The following TNXB variants were observed in gnomAD, a reference collection of about 807,000 sequenced individuals.
TNXB encodes the protein tenascin XB, also known as tenascin-X.
TNXB carries 183 observed loss-of-function variants against 340.5 expected under a neutral mutation model. The observed-to-expected ratio is 0.54, with a 90% CI of 0.48 to 0.61. The LOEUF (loss-of-function observed/expected upper bound fraction) is 0.61, where lower values mean the gene tolerates loss of function less well. Among genes scored for constraint, TNXB ranks in the 20% least tolerant of loss-of-function variants. The pLI, the probability that TNXB is intolerant of heterozygous loss-of-function variation, is 0.00. For synonymous variants in TNXB, 2,121 were observed against 2,314.5 expected (o/e 0.92, Z 2.40); for missense variants, 4,613 against 5,446.4 (o/e 0.85, Z 4.82).
chr6:32,096,559 A>G lies in TNXB; in HGVS notation c.1294T>C (p.Ser432Pro). 1 of 1,573,020 alleles carries G rather than the reference A, an allele frequency of 6.4e-7. No individual in the cohort carries two copies. Among genetic ancestry groups the G allele is most frequent in the Non-Finnish European group, 8.6e-7 (1 of 1,168,034 alleles). ...WPGYTGTDCG[S>P]RACPRDCRGR... ...CTACAGTCGCGTGGGCAGGCGCGCG[A>G]GCCGCAATCGGTTCCAGTGTACCCC... Residue 432 changes from serine to proline, a missense_variant, in exon 3 of 44, where the codon TCG becomes CCG. Ser to Pro is a moderately conservative substitution (Grantham distance 74). This residue lies in a region of TNXB where 4,327 missense variants were observed against 4,859.4 expected (regional missense o/e 0.89). Transcript: ENST00000644971.
rs893793966 is a variant in TNXB at position 32,095,337 on chromosome 6, C to G, written c.2243-146G>C. ...GGAGAATAGCTGACAGAGGGCTGAACGGGGCTTGGATCGCCTTCACCTTCT... is the reference window on the plus strand; with the variant it reads ...GGAGAATAGCTGACAGAGGGCTGAAGGGGGCTTGGATCGCCTTCACCTTCT... On this transcript the variant is annotated intron_variant, in intron 3 of 43. Coordinates refer to ENST00000644971, the MANE Select transcript of TNXB (RefSeq NM_001365276.2). The G allele has an allele frequency of 4.4e-5, 32 of 732,322 alleles. 1 individual carries two copies. The highest frequency in any genetic ancestry group is 7.3e-5 in the Non-Finnish European group (32 of 441,350). 45.4% of individuals were successfully genotyped at this position (732,322 alleles called of 1,614,324 possible).
Position 32,049,203 on chromosome 6 carries a change from T to C in TNXB, c.9757+67A>G. ...GGCCCAGTCAAAAGAGGTGCCAAGA[T>C]CCAAAGGAGAAACACAAGGGGGCTG... On this transcript the variant is annotated intron_variant, in intron 28 of 43. Transcript: ENST00000644971. This position sits in a 1 kb window ranked among gnomAD's most constrained non-coding sequence, Gnocchi z 4.5. The C allele has an allele frequency of 1.3e-6, 2 of 1,526,970 alleles. No homozygotes were observed. The highest frequency in any genetic ancestry group is 1.8e-6 in the Non-Finnish European group (2 of 1,137,206). 94.6% of individuals were successfully genotyped at this position (1,526,970 alleles called of 1,614,324 possible).
rs1776916706 is a variant in TNXB, at chr6:32,046,796, C to G, written c.10325-340G>C. Among the ~76,000 whole-genome samples, 1 of 152,160 alleles carries G rather than the reference C, an allele frequency of 6.6e-6. No individual in the cohort carries two copies. Among genetic ancestry groups the G allele is most frequent in the African/African-American group, 2.4e-5 (1 of 41,444 alleles). On this transcript the variant is annotated intron_variant, in intron 30 of 43. Transcript: ENST00000644971. The surrounding 1 kb of genome is among the most constrained non-coding windows in gnomAD (Gnocchi z 6.9). ...TTTACCCTGACCCCCAGCCCCTGAG[C>G]AAGAATGAGGCCAGAGCTGAGAGAG...
In TNXB at chr6:32,046,225, C is replaced by T. The variant is rs1776861628; in HGVS notation, c.10556G>A (p.Gly3519Glu). The change falls in exon 31 of 44, where the codon GGG becomes GAG. Residue 3519 changes from glycine to glutamate, a missense_variant. Physicochemically the swap from Gly to Glu is moderately conservative, Grantham distance 98. Coordinates refer to ENST00000644971, the MANE Select transcript of TNXB (RefSeq NM_001365276.2). The surrounding 1 kb of genome is among the most constrained non-coding windows in gnomAD (Gnocchi z 6.9). ...PGKKYKFLLY[G>E]LLGGKRLGPV... ...GCCCAGGCGCTTTCCCCCAAGGAGCCCGTAGAGCAGAAACTTGTATTTCTT... is the reference window on the plus strand; with the variant it reads ...GCCCAGGCGCTTTCCCCCAAGGAGCTCGTAGAGCAGAAACTTGTATTTCTT... 3 of 1,602,366 alleles carry T rather than the reference C, an allele frequency of 1.9e-6. No homozygotes were observed. Among genetic ancestry groups the T allele is most frequent in the African/African-American group, 1.3e-5 (1 of 74,988 alleles).
rs1334467320 is a variant in TNXB, at chr6:32,062,238, G to A, written c.7087C>T (p.Pro2363Ser). Residue 2363 changes from proline (P) to serine (S), a missense_variant, in exon 20 of 44, where the codon CCA (proline) becomes TCA (serine). By Grantham distance (74) the Pro-to-Ser change is moderately conservative. Coordinates refer to ENST00000644971, the MANE Select transcript of TNXB (RefSeq NM_001365276.2). This position sits in a 1 kb window ranked among gnomAD's most constrained non-coding sequence, Gnocchi z 4.3. ...AGGTTCATCTTGTACTTGTTGTCTG[G>A]CTCCAGGCCGGAGATGGTGACCCTG... ...EDRVTISGLE[P>S]DNKYKMNLYG... is the part of the protein sequence containing the mutation. 2 of 1,613,126 alleles carry A rather than the reference G, an allele frequency of 1.2e-6. No homozygotes were observed. Among genetic ancestry groups the A allele is most frequent in the Non-Finnish European group, 1.7e-6 (2 of 1,179,882 alleles).
At chr6:32,077,730 TAAAG>T (rs1314356819) in intron 11 of TNXB, among the ~76,000 whole-genome samples, 1 of 152,206 alleles carries the variant, frequency 6.6e-6, no homozygotes, top group Non-Finnish European at 1.5e-5. Context: ...GGATGAGTAT[TAAAG>T]AAAGCCTTGT....
At position 32,046,584 on chromosome 6, in the gene TNXB, G is replaced by C; in HGVS notation, c.10325-128C>G. ...GTAGCCCCAGGGACAGCTCCTTGAG[G>C]AGACACACAGGCCTGCTCCCGCCAT... On this transcript the variant is annotated intron_variant, in intron 30 of 43. Transcript: ENST00000644971. The surrounding 1 kb of genome is among the most constrained non-coding windows in gnomAD (Gnocchi z 6.9). The C allele has an allele frequency of 1.3e-6, 1 of 787,318 alleles. No individual in the cohort carries two copies. The highest frequency in any genetic ancestry group is 1.9e-6 in the Non-Finnish European group (1 of 525,862). 48.8% of individuals were successfully genotyped at this position (787,318 alleles called of 1,614,324 possible).
In TNXB at chr6:32,055,901, C is replaced by A. The variant is rs907188801; in HGVS notation, c.8417G>T (p.Gly2806Val). 1 of 1,613,312 alleles carries A rather than the reference C, an allele frequency of 6.2e-7. No individual in the cohort carries two copies. The highest frequency in any genetic ancestry group is 1.3e-5 in the African/African-American group (1 of 74,946). The change falls in exon 24 of 44, where the codon GGC becomes GTC. Residue 2806 changes from glycine to valine, a missense_variant. This residue lies in a region of TNXB where 4,327 missense variants were observed against 4,859.4 expected (regional missense o/e 0.89). Transcript: ENST00000644971. ...GCCCACACGCCGCCCCTCGTGGAGG[C>A]CGTACAGGTGCATCTTGTATTTGCG... is the stretch of plus-strand genomic sequence containing the variant. Reference protein sequence around the residue: ...PGRKYKMHLYGLHEGRRVGPV... With the variant: ...PGRKYKMHLYVLHEGRRVGPV...
At chr6:32,077,598 G>C (rs551485602) in intron 11 of TNXB, among the ~76,000 whole-genome samples, 1 of 152,358 alleles carries the variant, frequency 6.6e-6, no homozygotes, top group African/African-American at 2.4e-5. Context: ...TCAGCCTCTT[G>C]GGCTGAGGCC....
At chr6:32,048,222 A>G (rs1777023995) in intron 29 of TNXB, 141 bp downstream of exon 29, 1 of 1,052,022 alleles carries the variant, frequency 9.5e-7, no homozygotes, top group Non-Finnish European at 1.3e-6. Flanking sequence ...GGGAGAGGAG[A>G]GCTCAGGGCC....
chr6:32,096,949 T>C lies in TNXB; in HGVS notation c.904A>G (p.Thr302Ala), dbSNP rs1150752. The C allele has an allele frequency of 0.097, 156,729 of 1,611,064 alleles. 9,877 individuals are homozygous for C. The highest frequency in any genetic ancestry group is 0.12 in the Non-Finnish European group (142,442 of 1,178,842). ...NGRCVCNPGY[T>A]GEDCGVRSCP... ...CTCCTCACCCCACAGTCCTCGCCAGTGTAGCCGGGGTTACACACGCAGCGC... is the reference window on the plus strand; with the variant it reads ...CTCCTCACCCCACAGTCCTCGCCAGCGTAGCCGGGGTTACACACGCAGCGC... The change falls in exon 3 of 44, where the codon ACT becomes GCT. Residue 302 changes from threonine to alanine, a missense_variant. Transcript: ENST00000644971.
chr6:32,054,147 T>G (rs1777485245), intron 24 of TNXB, among the ~76,000 whole-genome samples: 1 of 151,802 alleles, frequency 6.6e-6, no homozygotes, highest in Non-Finnish European at 1.5e-5. Flanking sequence ...AGCCTCAGAG[T>G]ACCTCTCCCC....
intron 3 of TNXB, 65 bp downstream of exon 3, chr6:32,095,546 T>C: frequency 1.3e-6 from 2 of 1,554,876 alleles, no homozygotes; most frequent in Non-Finnish European, 1.7e-6. Flanking sequence ...GGCTCAGGTC[T>C]TCCCCATGGC....
At position 32,065,076 on chromosome 6, in the gene TNXB, G is replaced by A. The variant is rs747302691; in HGVS notation, c.6586C>T (p.Arg2196Cys). Residue 2196 changes from arginine to cysteine, a missense_variant, in exon 19 of 44, where the codon CGC (arginine) becomes TGC (cysteine). By Grantham distance (180) the Arg-to-Cys change is radical (BLOSUM62 -3). This residue lies in a region of TNXB where 4,327 missense variants were observed against 4,859.4 expected (regional missense o/e 0.89). Transcript: ENST00000644971. ...TCTCTCACTGTCATCTGCCCTAGGC[G>A]CAGCTTTGCAAGAGGAGCATCAGGG... Reference protein sequence around the residue: ...ESPDAPLAKLRLGQMTVRDIT... With the variant: ...ESPDAPLAKLCLGQMTVRDIT... 45 of 1,594,470 alleles carry A rather than the reference G, an allele frequency of 2.8e-5. No homozygotes were observed. Among genetic ancestry groups the A allele is most frequent in the Non-Finnish European group, 3.8e-5 (44 of 1,170,620 alleles).
At chr6:32,091,599 C>A (rs1048594322) in intron 4 of TNXB, among the ~76,000 whole-genome samples, 2 of 151,890 alleles carry the variant, frequency 1.3e-5, no homozygotes, top group African/African-American at 4.8e-5. Context: ...CTTAGCCTCC[C>A]AAGTAGCTGG....
In TNXB at chr6:32,047,353, G is replaced by C. The variant is rs750749261; in HGVS notation, c.10324+381C>G. ...CCCTTTTCTTCCACCCCTCGGCTCC[G>C]AGTCAGGGAGGAGGGAGGAGGATGG... On this transcript the variant is annotated intron_variant, in intron 30 of 43. Coordinates refer to ENST00000644971, the MANE Select transcript of TNXB (RefSeq NM_001365276.2). The surrounding 1 kb of genome is among the most constrained non-coding windows in gnomAD (Gnocchi z 6.2). 6.6e-6 allele frequency among the ~76,000 whole-genome samples: 1 copy of C among 152,160 alleles called. No individual in the cohort carries two copies. Among genetic ancestry groups the C allele is most frequent in the Non-Finnish European group, 1.5e-5 (1 of 68,030 alleles).
In TNXB at chr6:32,064,761, C is replaced by A. The variant is rs1778229119; in HGVS notation, c.6841+60G>T. On this transcript the variant is annotated intron_variant, in intron 19 of 43. Coordinates refer to ENST00000644971, the MANE Select transcript of TNXB (RefSeq NM_001365276.2). This position sits in a 1 kb window ranked among gnomAD's most constrained non-coding sequence, Gnocchi z 5.3. ...GTAAAATAAAGCCACCAGATACTGA[C>A]AATAAAAGGGAAACTGAGTCTAGTT... 2 of 1,571,758 alleles carry A rather than the reference C, an allele frequency of 1.3e-6. No homozygotes were observed. Among genetic ancestry groups the A allele is most frequent in the South Asian group, 1.2e-5 (1 of 85,760 alleles).
In TNXB at chr6:32,085,858, G is replaced by A. The variant is rs1214491752; in HGVS notation, c.3040C>T (p.Gln1014Ter). 1.9e-6 allele frequency: 3 copies of A among 1,608,556 alleles called. No homozygotes were observed. In the South Asian group the frequency reaches 3.3e-5, roughly 18 times the overall value. The change falls in exon 7 of 44, where the codon CAG (glutamine) becomes TAG (stop). Residue 1014 changes from glutamine to a stop codon, truncating the protein, a stop_gained. Coordinates refer to ENST00000644971, the MANE Select transcript of TNXB (RefSeq NM_001365276.2). LOFTEE classifies it high-confidence loss of function. This position sits in a 1 kb window ranked among gnomAD's most constrained non-coding sequence, Gnocchi z 6.4. ...HEEVLPGDVR[Q>*]ALVPPPPPGT... ...GGAGGGGGTGGAGGCACCAGAGCCT[G>A]GCGGACGTCCCCTGGCAGCACTTCC...
chr6:32,068,374 C>G lies in TNXB; in HGVS notation c.6220+16G>C. 6.2e-7 allele frequency: 1 copy of G among 1,611,680 alleles called. No individual in the cohort carries two copies. The highest frequency in any genetic ancestry group is 8.5e-7 in the Non-Finnish European group (1 of 1,178,384). Reference sequence around the variant, plus strand: ...CTCCCATGGCTCCCACCCTGGGGCTCCCATCATCCACTCACCTGTCACCCC... The same window carrying G: ...CTCCCATGGCTCCCACCCTGGGGCTGCCATCATCCACTCACCTGTCACCCC... On this transcript the variant is annotated intron_variant, in intron 17 of 43. Coordinates refer to ENST00000644971, the MANE Select transcript of TNXB (RefSeq NM_001365276.2). The surrounding 1 kb of genome is among the most constrained non-coding windows in gnomAD (Gnocchi z 5.3).
Sources: allele counts gnomAD v4.1 joint callset (sites outside exome capture counted in the v4.1 genomes callset), GRCh38; gene constraint gnomAD v4.1.1; regional missense constraint gnomAD v4.1.1; non-coding constraint Gnocchi (gnomAD v3.1); transcripts MANE v1.5; gene names NCBI Gene and HGNC (gene_info 2026-07-23, HGNC 2026-07-21).